Variants in CYP1A2 observed in about 807,000 individuals in gnomAD.
CYP1A2 encodes the protein cytochrome P450 1A2.
Under a neutral mutation model 34.7 loss-of-function variants are expected in CYP1A2, and 35 were observed. The observed-to-expected ratio is 1.01, with a 90% CI of 0.77 to 1.34. The LOEUF (loss-of-function observed/expected upper bound fraction) is 1.34, where lower values mean the gene tolerates loss of function less well. Among genes scored for constraint, CYP1A2 ranks in the 40% most tolerant of loss-of-function variants. The probability of loss-of-function intolerance (pLI) is 0.00; values close to 1 mark genes in which losing one functional copy is unlikely to be tolerated. For synonymous variants in CYP1A2, 288 were observed against 281.9 expected (o/e 1.02, Z -0.22); for missense variants, 675 against 675.8 (o/e 1.00, Z 0.01).
At position 74,750,109 on chromosome 15, in the gene CYP1A2, C is replaced by T. The variant is rs763157275; in HGVS notation, c.371C>T (p.Thr124Ile). The change falls in exon 2 of 7, where the codon ACC (threonine) becomes ATC (isoleucine). Residue 124 changes from threonine (T) to isoleucine (I), a missense_variant. Coordinates refer to ENST00000343932, the MANE Select transcript of CYP1A2 (RefSeq NM_000761.5). ...CTCATCACTGATGGCCAGAGCTTGA[C>T]CTTCAGCACAGACTCTGGACCGGTG... Reference protein sequence around the residue: ...STLITDGQSLTFSTDSGPVWA... With the variant: ...STLITDGQSLIFSTDSGPVWA... The T allele has an allele frequency of 3.7e-6, 6 of 1,614,054 alleles. No homozygotes were observed. In the South Asian group the frequency reaches 6.6e-5, roughly 18 times the overall value.
Position 74,755,762 on chromosome 15 carries a change from A to G in CYP1A2, c.*674A>G, listed in dbSNP as rs1451393386. On this transcript the variant is annotated 3_prime_UTR_variant, in exon 7 of 7. Transcript: ENST00000343932. ...CACATCCAGCCTAACTTACATTCTT[A>G]AAGTGTCGAATGACTTCTAGTGTAG... 6.6e-6 allele frequency: 1 copy of G among 152,022 alleles called. No homozygotes were observed. Among genetic ancestry groups the G allele is most frequent in the Non-Finnish European group, 1.5e-5 (1 of 67,996 alleles). The allele number at this position is 152,022 out of a possible 1,614,324, so 9.4% of individuals were successfully genotyped here.
intron 5 of CYP1A2, among the ~76,000 whole-genome samples, chr15:74,752,748 T>C (rs2063321799): frequency 6.6e-6 from 1 of 152,066 alleles, no homozygotes; most frequent in South Asian, 2.1e-4. Context: ...ATTTTAACAA[T>C]GTCAAGAGAG....
At chr15:74,753,550 G>A (rs1383702304) in intron 6 of CYP1A2, among the ~76,000 whole-genome samples, 8 of 152,050 alleles carry the variant, frequency 5.3e-5, no homozygotes, top group Non-Finnish European at 1.2e-4. Context: ...GGGCAACATG[G>A]TGAAACCCTA....
In CYP1A2 at chr15:74,755,380, A is replaced by AAC. The variant is rs2063333912; in HGVS notation, c.*292_*293insAC. On this transcript the variant is annotated 3_prime_UTR_variant, in exon 7 of 7. Coordinates refer to ENST00000343932, the MANE Select transcript of CYP1A2 (RefSeq NM_000761.5). Reference sequence around the variant, plus strand: ...AAAAAAACAAACAAACAAAAAAAAAACCATATATATACATATATATATAGC... The same window carrying AAC: ...AAAAAAACAAACAAACAAAAAAAAAAACCCATATATATACATATATATATAGC... 3 of 265,836 alleles carry AAC rather than the reference A, an allele frequency of 1.1e-5. No homozygotes were observed. The highest frequency in any genetic ancestry group is 1.8e-4 in the East Asian group (2 of 10,846). 16.5% of individuals were successfully genotyped at this position (265,836 alleles called of 1,614,324 possible). A position where few individuals can be genotyped will look rare whatever the true frequency, so the allele number is the denominator to read the frequency against.
rs201443593 is a variant in CYP1A2 at position 74,755,380 on chromosome 15, A to C, written c.*292A>C. 364 of 265,908 alleles carry C rather than the reference A, an allele frequency of 1.4e-3. 2 individuals are homozygous for C. The highest frequency in any genetic ancestry group is 3.1e-3 in the African/African-American group (137 of 44,214). The allele number at this position is 265,908 out of a possible 1,614,324, so 16.5% of individuals were successfully genotyped here. On this transcript the variant is annotated 3_prime_UTR_variant, in exon 7 of 7. Transcript: ENST00000343932. Reference sequence around the variant, plus strand: ...AAAAAAACAAACAAACAAAAAAAAAACCATATATATACATATATATATAGC... The same window carrying C: ...AAAAAAACAAACAAACAAAAAAAAACCCATATATATACATATATATATAGC...
intron 3 of CYP1A2, 69 bp downstream of exon 3, chr15:74,751,378 T>A: frequency 6.3e-7 from 1 of 1,593,772 alleles, no homozygotes; most frequent in Non-Finnish European, 8.6e-7. Flanking sequence ...GCCCAGCCCC[T>A]CAGTCCATGA....
intron 4 of CYP1A2, 53 bp from the exon 5 acceptor site, chr15:74,752,071 C>T (rs2063318013): frequency 3.7e-6 from 6 of 1,607,512 alleles, no homozygotes; most frequent in Non-Finnish European, 4.2e-6. Context: ...GGGGATAATT[C>T]ATGGGGCAGT....
intron 3 of CYP1A2, 78 bp from the exon 4 acceptor site, chr15:74,751,687 A>C (rs1215233745): frequency 7.2e-7 from 1 of 1,395,334 alleles, no homozygotes; most frequent in African/African-American, 1.4e-5. Context: ...CTGGATACAT[A>C]CATAGCAGAT....
rs1567205939 is a variant in CYP1A2 at position 74,751,820 on chromosome 15, GC to G, written c.1010del (p.Pro337LeufsTer14). The G allele has an allele frequency of 6.2e-7, 1 of 1,614,150 alleles. No homozygotes were observed. Among genetic ancestry groups the G allele is most frequent in the South Asian group, 1.1e-5 (1 of 91,082 alleles). On this transcript the variant is annotated frameshift_variant, in exon 4 of 7. Coordinates refer to ENST00000343932, the MANE Select transcript of CYP1A2 (RefSeq NM_000761.5). LOFTEE classifies it high-confidence loss of function. The stretch of plus-strand genomic sequence containing the variant: ...GGAGCCTCATGTACCTTGTGACCAA[GC>G]CTGAGATACAGAGGAAGATCCAGAA... ...SWSLMYLVTKPEIQRKIQKEL... is the reference protein window; with the variant it reads ...SWSLMYLVTKXEIQRKIQKEL...
At position 74,749,984 on chromosome 15, in the gene CYP1A2, C is replaced by T. The variant is rs376107702; in HGVS notation, c.246C>T (p.Ser82=). 2 of 1,614,106 alleles carry T rather than the reference C, an allele frequency of 1.2e-6. No homozygotes were observed. Among genetic ancestry groups the T allele is most frequent in the Non-Finnish European group, 1.7e-6 (2 of 1,180,020 alleles). Residue 82 remains serine (S), a synonymous_variant, in exon 2 of 7, where the codon TCC becomes TCT. Coordinates refer to ENST00000343932, the MANE Select transcript of CYP1A2 (RefSeq NM_000761.5). ...ACGTCCTGCAGATCCGCATTGGCTC[C>T]ACGCCCGTGCTGGTGCTGAGCCGCC... is the stretch of plus-strand genomic sequence containing the variant. ...YGDVLQIRIG[S]TPVLVLSRLD...
chr15:74,754,759 C>G (rs1170834599), intron 6 of CYP1A2, 32 bp from the exon 7 acceptor site: 1 of 1,594,340 alleles, frequency 6.3e-7, no homozygotes, highest in East Asian at 2.3e-5. Flanking sequence ...CTCTCCAGCC[C>G]TGAGGTCCCA....
rs4646426 is a variant in CYP1A2 at position 74,752,870 on chromosome 15, CTTTTTTTTT to C, written c.1167-298_1167-290del. On this transcript the variant is annotated intron_variant, in intron 5 of 6. Coordinates refer to ENST00000343932, the MANE Select transcript of CYP1A2 (RefSeq NM_000761.5). Reference sequence around the variant, plus strand: ...CGGGGCTGCCCCAGGCTGCCTGCTGCTTTTTTTTTTTTTTTTTTTTTTTTCATAGAAAAT... The same window carrying C: ...CGGGGCTGCCCCAGGCTGCCTGCTGCTTTTTTTTTTTTTTTCATAGAAAAT... 0.01 allele frequency among the ~76,000 whole-genome samples: 967 copies of C among 96,186 alleles called. 40 individuals carry two copies. The East Asian group carries it at 0.16, about 16-fold the overall frequency. The allele number at this position is 96,186 out of a possible 152,430, so 63.1% of individuals were successfully genotyped here.
In CYP1A2 at chr15:74,749,824, A is replaced by C; in HGVS notation, c.86A>C (p.Lys29Thr). The change falls in exon 2 of 7, where the codon AAG becomes ACG. Residue 29 changes from lysine to threonine, a missense_variant. Coordinates refer to ENST00000343932, the MANE Select transcript of CYP1A2 (RefSeq NM_000761.5). ...TTCTGCCTGGTATTCTGGGTGCTCA[A>C]GGGTTTGAGGCCTCGGGTCCCCAAA... is the stretch of plus-strand genomic sequence containing the variant. ...AIFCLVFWVL[K>T]GLRPRVPKGL... 1 of 1,602,374 alleles carries C rather than the reference A, an allele frequency of 6.2e-7. No homozygotes were observed. The highest frequency in any genetic ancestry group is 8.5e-7 in the Non-Finnish European group (1 of 1,172,218).
In CYP1A2 at chr15:74,755,324, C is replaced by G. The variant is rs1221363305; in HGVS notation, c.*236C>G. On this transcript the variant is annotated 3_prime_UTR_variant, in exon 7 of 7. Coordinates refer to ENST00000343932, the MANE Select transcript of CYP1A2 (RefSeq NM_000761.5). ...TACAAAAAAAAAATTTGCCAAGAGCCTGAGTGACAGAGCAAGACCCCATCT... is the reference window on the plus strand; with the variant it reads ...TACAAAAAAAAAATTTGCCAAGAGCGTGAGTGACAGAGCAAGACCCCATCT... 1 of 425,576 alleles carries G rather than the reference C, an allele frequency of 2.3e-6. No homozygotes were observed. The highest frequency in any genetic ancestry group is 4.1e-6 in the Non-Finnish European group (1 of 243,936). 26.4% of individuals were successfully genotyped at this position (425,576 alleles called of 1,614,324 possible).
At chr15:74,753,016 C>T (rs559302660) in intron 5 of CYP1A2, among the ~76,000 whole-genome samples, 168 bp from the exon 6 acceptor site, 10 of 151,734 alleles carry the variant, frequency 6.6e-5, no homozygotes, top group South Asian at 6.2e-4. Context: ...AAGAACAGGA[C>T]GCAAGGAAGA....
intron 4 of CYP1A2, 64 bp from the exon 5 acceptor site, chr15:74,752,060 A>T: frequency 6.2e-7 from 1 of 1,603,876 alleles, no homozygotes; most frequent in Non-Finnish European, 8.5e-7. Context: ...GGGGTATAAG[A>T]GGGGATAATT....
Position 74,755,361 on chromosome 15 carries a change from AC to A in CYP1A2, c.*274del, listed in dbSNP as rs201077484. The A allele has an allele frequency of 0.023, 6,644 of 283,262 alleles. 260 individuals are homozygous for A. Among genetic ancestry groups the A allele is most frequent in the South Asian group, 0.087 (1,125 of 12,944 alleles). The allele number at this position is 283,262 out of a possible 1,614,324, so 17.5% of individuals were successfully genotyped here. A position where few individuals can be genotyped will look rare whatever the true frequency, so the allele number is the denominator to read the frequency against. ...GCAAGACCCCATCTCAAAAAAAAAA[AC>A]AAACAAACAAAAAAAAAACCATATA... On this transcript the variant is annotated 3_prime_UTR_variant, in exon 7 of 7. Transcript: ENST00000343932.
At chr15:74,753,504 G>A (rs981134226) in intron 6 of CYP1A2, among the ~76,000 whole-genome samples, 2 of 152,128 alleles carry the variant, frequency 1.3e-5, no homozygotes, top group African/African-American at 2.4e-5. Context: ...GCCGAGGCAG[G>A]CAGATCACTT....
In CYP1A2 at chr15:74,753,174, C is replaced by A; in HGVS notation, c.1167-10C>A. ...GCCCTGAGCCTCACAGTGCCCTCTT[C>A]CCTCCTCAGCACAACAAGGGACACA... On this transcript the variant is annotated splice_polypyrimidine_tract_variant and intron_variant, in intron 5 of 6. Coordinates refer to ENST00000343932, the MANE Select transcript of CYP1A2 (RefSeq NM_000761.5). The A allele has an allele frequency of 6.2e-7, 1 of 1,612,446 alleles. No individual in the cohort carries two copies. The highest frequency in any genetic ancestry group is 8.5e-7 in the Non-Finnish European group (1 of 1,178,842).
Sources: gnomAD v4.1 joint callset for allele counts (sites outside exome capture counted in the v4.1 genomes callset) on GRCh38, gnomAD v4.1.1 for gene constraint, MANE v1.5 for transcripts, NCBI Gene and HGNC (gene_info 2026-07-23, HGNC 2026-07-21) for gene names.